Variants in MAGI1 observed in about 807,000 individuals in gnomAD.
MAGI1 encodes the protein membrane-associated guanylate kinase, WW and PDZ domain-containing protein 1.
In MAGI1, 58 loss-of-function variants were observed where a neutral mutation model predicts 139.9. That is an observed-to-expected ratio of 0.41 (90% CI 0.34 to 0.52). The LOEUF (loss-of-function observed/expected upper bound fraction) is 0.52. MAGI1 is among the 20% of genes least tolerant of loss of function. MAGI1 has a pLI of 0.12. For missense variants in MAGI1, 1,874 were observed against 1,901.6 expected (o/e 0.99, Z 0.27); for synonymous variants, 812 against 737.9 (o/e 1.10, Z -1.63).
At chr3:65,777,425 C>T (rs1019615354) in intron 1 of MAGI1, among the ~76,000 whole-genome samples, 3 of 152,108 alleles carry the variant, frequency 2.0e-5, no homozygotes, top group Non-Finnish European at 4.4e-5. Context: ...TTCATTATCA[C>T]CATTTTACTA....
intron 1 of MAGI1, among the ~76,000 whole-genome samples, chr3:65,641,392 A>G (rs536575128): frequency 2.5e-4 from 38 of 152,276 alleles, no homozygotes; most frequent in Admixed American, 2.5e-3. Context: ...CTTCAGACCA[A>G]TTCAGAATCT....
intron 1 of MAGI1, among the ~76,000 whole-genome samples, chr3:65,763,998 G>A (rs1208645448): frequency 2.0e-5 from 3 of 151,160 alleles, no homozygotes; most frequent in African/African-American, 4.9e-5. Context: ...CTTTACCCTC[G>A]GAGGTGGAGG....
intron 2 of MAGI1, among the ~76,000 whole-genome samples, chr3:65,548,671 C>T (rs1298853143): frequency 6.6e-6 from 1 of 151,890 alleles, no homozygotes; most frequent in Admixed American, 6.6e-5. Context: ...GGCAGGCATG[C>T]GCCACCACGC....
chr3:65,518,839 C>T (rs1324424769), intron 2 of MAGI1, among the ~76,000 whole-genome samples: 1 of 151,802 alleles, frequency 6.6e-6, no homozygotes, highest in Non-Finnish European at 1.5e-5. Context: ...TAGAGATACA[C>T]ATTAAATAAA....
At chr3:65,401,389 C>CCCAA in intron 13 of MAGI1, 50 bp downstream of exon 13, 1 of 1,548,742 alleles carries the variant, frequency 6.5e-7, no homozygotes, top group Non-Finnish European at 8.8e-7. Flanking sequence ...TCCAGCCCCC[C>CCCAA]ACCATCCACC....
At chr3:65,682,094 G>GA (rs1426753923) in intron 1 of MAGI1, among the ~76,000 whole-genome samples, 1 of 151,866 alleles carries the variant, frequency 6.6e-6, no homozygotes, top group African/African-American at 2.4e-5. Flanking sequence ...GAGGAAAAAA[G>GA]AAAAAATTCC....
chr3:65,712,428 G>T (rs2031580129), intron 1 of MAGI1, among the ~76,000 whole-genome samples: 1 of 149,366 alleles, frequency 6.7e-6, no homozygotes, highest in Non-Finnish European at 1.5e-5. Context: ...CTACCATCTG[G>T]CTGCAACCAC....
chr3:65,823,428 C>A (rs1310242488), intron 1 of MAGI1, among the ~76,000 whole-genome samples: 2 of 152,188 alleles, frequency 1.3e-5, no homozygotes, highest in African/African-American at 4.8e-5. Context: ...ATAGTAGGAG[C>A]TCAATAAATA....
chr3:65,428,194 G>A (rs1406114964), intron 12 of MAGI1, among the ~76,000 whole-genome samples: 1 of 152,132 alleles, frequency 6.6e-6, no homozygotes, highest in Non-Finnish European at 1.5e-5. Flanking sequence ...AAACCAAAAG[G>A]AAGTCAAAGT....
intron 1 of MAGI1, among the ~76,000 whole-genome samples, chr3:65,993,055 T>G (rs963079400): frequency 1.8e-4 from 27 of 151,980 alleles, no homozygotes; most frequent in Non-Finnish European, 4.0e-4. Context: ...GGTCTAGAAC[T>G]CCTGTGCTCA....
At chr3:65,378,653 A>T (rs1039907173) in intron 17 of MAGI1, among the ~76,000 whole-genome samples, 1 of 150,664 alleles carries the variant, frequency 6.6e-6, no homozygotes, top group African/African-American at 2.4e-5. Flanking sequence ...AGGGGTTCCT[A>T]TTCAAATTTC....
intron 10 of MAGI1, among the ~76,000 whole-genome samples, chr3:65,431,820 TACTAAAAAA>T (rs895723205): frequency 4.0e-5 from 6 of 150,682 alleles, no homozygotes; most frequent in African/African-American, 1.5e-4. Flanking sequence ...ATCCTGTCTC[TACTAAAAAA>T]AAAAAATACA....
intron 1 of MAGI1, among the ~76,000 whole-genome samples, chr3:65,971,827 GA>G (rs1393293207): frequency 6.6e-6 from 1 of 152,172 alleles, no homozygotes; most frequent in East Asian, 1.9e-4. Flanking sequence ...CCAAGGACCA[GA>G]ACCAGTTAAG....
chr3:65,375,960 A>G lies in MAGI1; in HGVS notation c.2996-15T>C, dbSNP rs187969224. On this transcript the variant is annotated splice_polypyrimidine_tract_variant and intron_variant, in intron 17 of 22. Coordinates refer to ENST00000402939, the MANE Select transcript of MAGI1 (RefSeq NM_001033057.2). ...ACATGCATTGCCTGCTTTGATATTG[A>G]GTTTTAATTTTTTTAAAGTTACGTG... is the stretch of plus-strand genomic sequence containing the variant. The G allele has an allele frequency of 1.5e-3, 2,352 of 1,604,184 alleles. 4 individuals carry two copies. Among genetic ancestry groups the G allele is most frequent in the Admixed American group, 2.2e-3 (131 of 59,134 alleles).
chr3:65,787,559 G>A (rs1002910434), intron 1 of MAGI1, among the ~76,000 whole-genome samples: 1 of 149,166 alleles, frequency 6.7e-6, no homozygotes, highest in African/African-American at 2.5e-5. Flanking sequence ...GTAACTGAGG[G>A]CTATACTAGA....
intron 22 of MAGI1, chr3:65,359,867 A>G: frequency 1.0e-6 from 1 of 985,324 alleles, no homozygotes; most frequent in Non-Finnish European, 1.2e-6. Context: ...CTCTCAAATG[A>G]AATATCACAT....
intron 1 of MAGI1, among the ~76,000 whole-genome samples, chr3:65,720,569 A>G (rs1576877229): frequency 6.6e-6 from 1 of 152,182 alleles, no homozygotes; most frequent in African/African-American, 2.4e-5. Flanking sequence ...CACCATCACT[A>G]AAGCATCACC....
intron 3 of MAGI1, 76 bp from the exon 4 acceptor site, chr3:65,478,874 T>A: frequency 1.0e-5 from 11 of 1,096,474 alleles, no homozygotes; most frequent in South Asian, 6.7e-5. Flanking sequence ...CACATCCAAA[T>A]CTCTAGGCAC....
chr3:65,441,167 G>A (rs1948298834), intron 8 of MAGI1, among the ~76,000 whole-genome samples: 1 of 151,922 alleles, frequency 6.6e-6, no homozygotes. Flanking sequence ...CACCATGTAG[G>A]CCAGGCTGGT....
Sources: gnomAD v4.1 joint callset for allele counts (sites outside exome capture counted in the v4.1 genomes callset) on GRCh38, gnomAD v4.1.1 for gene constraint, MANE v1.5 for transcripts, NCBI Gene and HGNC (gene_info 2026-07-23, HGNC 2026-07-21) for gene names.